The following GRK3 variants were observed in gnomAD, a reference collection of about 807,000 sequenced individuals.
GRK3 encodes G protein-coupled receptor kinase 3.
In GRK3, 54 loss-of-function variants were observed where a neutral mutation model predicts 95.7. That is an observed-to-expected ratio of 0.56 (90% CI 0.45 to 0.71). The LOEUF is 0.71. Among genes scored for constraint, GRK3 ranks in the 30% least tolerant of loss-of-function variants. GRK3 has a pLI of 0.00. For missense variants in GRK3, 649 were observed against 851.2 expected (o/e 0.76, Z 2.96); for synonymous variants, 281 against 290.8 (o/e 0.97, Z 0.34).
At chr22:25,592,357 T>G (rs894341935) in intron 1 of GRK3, among the ~76,000 whole-genome samples, 1 of 152,254 alleles carries the variant, frequency 6.6e-6, no homozygotes, top group Non-Finnish European at 1.5e-5. Context: ...TTAAAGCGTC[T>G]TTATTTATGT....
chr22:25,607,302 T>C (rs1440728340), intron 2 of GRK3, among the ~76,000 whole-genome samples: 3 of 152,182 alleles, frequency 2.0e-5, no homozygotes, highest in Non-Finnish European at 4.4e-5. Flanking sequence ...TCATGATTCT[T>C]AGTGTACTCT....
At chr22:25,577,549 C>T (rs1390371298) in intron 1 of GRK3, among the ~76,000 whole-genome samples, 3 of 152,138 alleles carry the variant, frequency 2.0e-5, no homozygotes, top group East Asian at 1.9e-4. Context: ...ATTAATGGAG[C>T]GGGTTGCATA....
chr22:25,581,657 A>G (rs1447801969), intron 1 of GRK3, among the ~76,000 whole-genome samples: 2 of 152,106 alleles, frequency 1.3e-5, no homozygotes, highest in Non-Finnish European at 2.9e-5. Flanking sequence ...GAAAAAAAAA[A>G]TGTAAGAAGG....
intron 2 of GRK3, among the ~76,000 whole-genome samples, chr22:25,636,856 A>G (rs2084705638): frequency 1.3e-5 from 2 of 152,156 alleles, no homozygotes; most frequent in South Asian, 2.1e-4. Flanking sequence ...AATGTCTGAC[A>G]TTTACTGATG....
chr22:25,611,428 A>ACATT (rs2084496579), intron 2 of GRK3, among the ~76,000 whole-genome samples: 1 of 152,192 alleles, frequency 6.6e-6, no homozygotes, highest in Non-Finnish European at 1.5e-5. Flanking sequence ...GTACTGTTTT[A>ACATT]CATTCCCACC....
At chr22:25,574,537 G>T (rs953822657) in intron 1 of GRK3, among the ~76,000 whole-genome samples, 1 of 152,196 alleles carries the variant, frequency 6.6e-6, no homozygotes, top group African/African-American at 2.4e-5. Flanking sequence ...GCATGGAATG[G>T]CATTTACACA....
At chr22:25,611,831 C>CTTTT (rs752711382) in intron 2 of GRK3, among the ~76,000 whole-genome samples, 7 of 118,776 alleles carry the variant, frequency 5.9e-5, no homozygotes, top group African/African-American at 9.6e-5. Context: ...AGTTTAGTGT[C>CTTTT]TTTTTTTTTT....
chr22:25,577,281 T>A (rs181105094), intron 1 of GRK3, among the ~76,000 whole-genome samples: 2 of 152,044 alleles, frequency 1.3e-5, no homozygotes, highest in Non-Finnish European at 2.9e-5. Flanking sequence ...CAACTGATTC[T>A]CCTGCCTCAG....
At chr22:25,660,161 T>C (rs572831519) in intron 3 of GRK3, among the ~76,000 whole-genome samples, 5 of 152,324 alleles carry the variant, frequency 3.3e-5, no homozygotes, top group African/African-American at 1.2e-4. Context: ...CAAAAATCTT[T>C]GATTTATTTT....
intron 1 of GRK3, 89 bp from the exon 2 acceptor site, chr22:25,604,288 A>G (rs2084428936): frequency 1.1e-6 from 1 of 929,290 alleles, no homozygotes; most frequent in African/African-American, 1.7e-5. Flanking sequence ...GCTGATATGA[A>G]GTCAAGACAT....
At chr22:25,607,795 G>T (rs2084463597) in intron 2 of GRK3, among the ~76,000 whole-genome samples, 1 of 150,888 alleles carries the variant, frequency 6.6e-6, no homozygotes, top group Non-Finnish European at 1.5e-5. Flanking sequence ...TGGCCAGGCT[G>T]GTCTCAAACT....
chr22:25,616,199 C>T (rs1430336074), intron 2 of GRK3, among the ~76,000 whole-genome samples: 2 of 152,140 alleles, frequency 1.3e-5, no homozygotes, highest in Non-Finnish European at 2.9e-5. Flanking sequence ...TGTGTTAGTC[C>T]TGTCTCACAC....
rs532074507 is a variant in GRK3 at position 25,689,537 on chromosome 22, C to T, written c.958-652C>T. 3.9e-5 allele frequency among the ~76,000 whole-genome samples: 6 copies of T among 152,200 alleles called. 1 individual carries two copies. The highest frequency in any genetic ancestry group is 4.4e-5 in the Non-Finnish European group (3 of 68,012). On this transcript the variant is annotated intron_variant, in intron 11 of 20. Coordinates refer to ENST00000324198, the MANE Select transcript of GRK3 (RefSeq NM_005160.4). Reference sequence around the variant, plus strand: ...AGATGACTATAATTCAATGTATATCCGAGAGACTAGGTTTGTTTTTCATGA... The same window carrying T: ...AGATGACTATAATTCAATGTATATCTGAGAGACTAGGTTTGTTTTTCATGA...
At chr22:25,671,570 A>C (rs114132590) in intron 6 of GRK3, among the ~76,000 whole-genome samples, 1 of 152,098 alleles carries the variant, frequency 6.6e-6, no homozygotes, top group Non-Finnish European at 1.5e-5. Flanking sequence ...ACCTGTGTCT[A>C]TTGGTCTGGG....
At chr22:25,598,349 A>G (rs1293055177) in intron 1 of GRK3, among the ~76,000 whole-genome samples, 1 of 152,218 alleles carries the variant, frequency 6.6e-6, no homozygotes, top group East Asian at 1.9e-4. Context: ...GGAACAAAAT[A>G]CAGACAAAAG....
chr22:25,696,949 C>A (rs1004095542), intron 13 of GRK3, among the ~76,000 whole-genome samples: 1 of 152,206 alleles, frequency 6.6e-6, no homozygotes, highest in Non-Finnish European at 1.5e-5. Context: ...AAAGCCATTT[C>A]CCCTATGAGA....
intron 11 of GRK3, among the ~76,000 whole-genome samples, chr22:25,688,223 A>T (rs979087686): frequency 6.8e-6 from 1 of 147,578 alleles, no homozygotes; most frequent in African/African-American, 2.5e-5. Flanking sequence ...ACAACAGAGC[A>T]AGACTCTGTC....
At chr22:25,614,455 T>C (rs1333834254) in intron 2 of GRK3, among the ~76,000 whole-genome samples, 1 of 152,238 alleles carries the variant, frequency 6.6e-6, no homozygotes, top group East Asian at 1.9e-4. Context: ...GCTAAATTTT[T>C]ACTGCTTAAT....
In GRK3 at chr22:25,565,195, C is replaced by T. The variant is rs749197630; in HGVS notation, c.113+42C>T. Reference sequence around the variant, plus strand: ...CCGGCGCCGGCCCCAAGCCGCCGCCCCCTGCGGCCGCCAGCTACCCCCTGC... The same window carrying T: ...CCGGCGCCGGCCCCAAGCCGCCGCCTCCTGCGGCCGCCAGCTACCCCCTGC... On this transcript the variant is annotated intron_variant, in intron 1 of 20. Transcript: ENST00000324198. 6 of 1,142,994 alleles carry T rather than the reference C, an allele frequency of 5.2e-6. No homozygotes were observed. The Admixed American group carries it at 1.3e-4, about 24-fold the overall frequency. The allele number at this position is 1,142,994 out of a possible 1,614,324, so 70.8% of individuals were successfully genotyped here.
Sources: gnomAD v4.1 joint callset for allele counts (sites outside exome capture counted in the v4.1 genomes callset) on GRCh38, gnomAD v4.1.1 for gene constraint, MANE v1.5 for transcripts, NCBI Gene and HGNC (gene_info 2026-07-23, HGNC 2026-07-21) for gene names.